Variants in PROZ observed in about 807,000 individuals in gnomAD.
PROZ encodes vitamin K-dependent protein Z.
A neutral mutation model predicts 34.9 loss-of-function variants in PROZ; 46 were observed. The observed-to-expected ratio is 1.32, with a 90% CI of 1.04 to 1.69. PROZ has a LOEUF of 1.69. PROZ is among the 40% of genes most tolerant of loss of function. The pLI, the probability that PROZ is intolerant of heterozygous loss-of-function variation, is 0.00. For synonymous variants in PROZ, 195 were observed against 208.5 expected (o/e 0.94, Z 0.56); for missense variants, 530 against 520.4 (o/e 1.02, Z -0.18).
At chr13:113,161,466 G>T (rs534372864) in intron 3 of PROZ, among the ~76,000 whole-genome samples, 5 of 152,304 alleles carry the variant, frequency 3.3e-5, no homozygotes, top group African/African-American at 1.2e-4. Flanking sequence ...GGGGCTGGGG[G>T]AGGCCAGGGT....
At chr13:113,161,025 C>A in intron 3 of PROZ, 53 bp downstream of exon 3, 1 of 1,523,094 alleles carries the variant, frequency 6.6e-7, no homozygotes, top group Non-Finnish European at 9.1e-7. Flanking sequence ...GGATGAGGTG[C>A]GTGGGTGGGC....
chr13:113,160,275 C>T, intron 2 of PROZ, 98 bp downstream of exon 2: 2 of 1,365,652 alleles, frequency 1.5e-6, no homozygotes, highest in South Asian at 2.4e-5. Context: ...AATTAATTAG[C>T]CTATTTACTT....
In PROZ at chr13:113,171,677, G is replaced by C. The variant is rs983225719; in HGVS notation, c.775G>C (p.Glu259Gln). ...VHMRYDADAG[E>Q]NDLSLLELEW... Reference sequence around the variant, plus strand: ...CATGCGGTATGACGCGGACGCGGGGGAGAATGACCTGTCACTGCTGGAGCT... The same window carrying C: ...CATGCGGTATGACGCGGACGCGGGGCAGAATGACCTGTCACTGCTGGAGCT... Residue 259 changes from glutamate (E) to glutamine (Q), a missense_variant, in exon 8 of 8, where the codon GAG becomes CAG. Physicochemically the swap from Glu to Gln is conservative, Grantham distance 29. Transcript: ENST00000375547. This position sits in a 1 kb window ranked among gnomAD's most constrained non-coding sequence, Gnocchi z 5.1. 3.7e-6 allele frequency: 6 copies of C among 1,613,914 alleles called. No homozygotes were observed. Among genetic ancestry groups the C allele is most frequent in the Non-Finnish European group, 5.1e-6 (6 of 1,180,040 alleles).
chr13:113,161,829 G>A (rs561953872), intron 3 of PROZ, among the ~76,000 whole-genome samples: 150 of 102,592 alleles, frequency 1.5e-3, no homozygotes, highest in Middle Eastern at 5.4e-3. Context: ...TCAGGTCCCC[G>A]TCCCTGCCAC....
intron 6 of PROZ, among the ~76,000 whole-genome samples, chr13:113,169,009 G>A (rs1389184670): frequency 5.3e-5 from 8 of 152,144 alleles, no homozygotes; most frequent in Admixed American, 2.6e-4. Context: ...GATTATAGGC[G>A]TGAGCCACCA....
At chr13:113,165,843 TTC>T (rs1340978114) in intron 6 of PROZ, among the ~76,000 whole-genome samples, 5 of 152,330 alleles carry the variant, frequency 3.3e-5, no homozygotes, top group Admixed American at 6.5e-5. Flanking sequence ...ATCATTCACT[TTC>T]TGTTTACTTA....
At chr13:113,164,861 T>C (rs1462621712) in intron 5 of PROZ, 192 bp from the exon 6 acceptor site, 4 of 924,494 alleles carry the variant, frequency 4.3e-6, no homozygotes, top group East Asian at 5.2e-5. Context: ...AGCTAAACCA[T>C]GAGTGCTGTG....
At chr13:113,167,046 T>C (rs907890053) in intron 6 of PROZ, among the ~76,000 whole-genome samples, 25 of 152,232 alleles carry the variant, frequency 1.6e-4, no homozygotes, top group African/African-American at 5.8e-4. Context: ...TCTGAAGTTA[T>C]TTAACTGAAT....
In PROZ at chr13:113,159,328, A is replaced by G. The variant is rs2138571351; in HGVS notation, c.70+598A>G. The G allele has an allele frequency of 6.9e-7, 1 of 1,454,336 alleles. No homozygotes were observed. 90.1% of individuals were successfully genotyped at this position (1,454,336 alleles called of 1,614,324 possible). The stretch of plus-strand genomic sequence containing the variant: ...TCTCCCGCTGGCCCCATGGTCTCCC[A>G]CCCTGAGAGGGTGATCCCCCCGCCC... On this transcript the variant is annotated intron_variant, in intron 1 of 7. Transcript: ENST00000375547. This position sits in a 1 kb window ranked among gnomAD's most constrained non-coding sequence, Gnocchi z 4.6.
At chr13:113,161,324 G>C (rs1392627196) in intron 3 of PROZ, among the ~76,000 whole-genome samples, 1 of 152,206 alleles carries the variant, frequency 6.6e-6, no homozygotes, top group African/African-American at 2.4e-5. Context: ...AGCAGGGTCA[G>C]AACTCGTCTC....
At position 113,159,135 on chromosome 13, in the gene PROZ, C is replaced by A; in HGVS notation, c.70+405C>A. On this transcript the variant is annotated intron_variant, in intron 1 of 7. Coordinates refer to ENST00000375547, the MANE Select transcript of PROZ (RefSeq NM_003891.3). The surrounding 1 kb of genome is among the most constrained non-coding windows in gnomAD (Gnocchi z 4.6). ...GCCAGGCCAGCCAGGAATGCCCAGT[C>A]TTGAGTCAGGAGACATAGCCAGGGA... is the stretch of plus-strand genomic sequence containing the variant. 3 of 1,299,846 alleles carry A rather than the reference C, an allele frequency of 2.3e-6. No homozygotes were observed. Among genetic ancestry groups the A allele is most frequent in the Non-Finnish European group, 1.1e-6 (1 of 919,788 alleles). 80.5% of individuals were successfully genotyped at this position (1,299,846 alleles called of 1,614,324 possible). A position where few individuals can be genotyped will look rare whatever the true frequency, so the allele number is the denominator to read the frequency against.
chr13:113,159,069 C>T lies in PROZ; in HGVS notation c.70+339C>T. ...CATTGGACGAGGGGAGGGGGTGGGG[C>T]AGGCTGAGCCCAGACTGCAATGTGG... On this transcript the variant is annotated intron_variant, in intron 1 of 7. Coordinates refer to ENST00000375547, the MANE Select transcript of PROZ (RefSeq NM_003891.3). This position sits in a 1 kb window ranked among gnomAD's most constrained non-coding sequence, Gnocchi z 4.6. 2.7e-6 allele frequency: 2 copies of T among 743,382 alleles called. No individual in the cohort carries two copies. The highest frequency in any genetic ancestry group is 2.7e-5 in the East Asian group (1 of 36,990). The allele number at this position is 743,382 out of a possible 1,614,324, so 46.0% of individuals were successfully genotyped here.
chr13:113,168,021 G>A (rs370516821), intron 6 of PROZ, among the ~76,000 whole-genome samples: 2 of 152,082 alleles, frequency 1.3e-5, no homozygotes, highest in East Asian at 1.9e-4. Context: ...CGCCACATCC[G>A]CTCGCTGTAG....
At chr13:113,167,763 T>C (rs1299065420) in intron 6 of PROZ, among the ~76,000 whole-genome samples, 1 of 152,224 alleles carries the variant, frequency 6.6e-6, no homozygotes, top group Non-Finnish European at 1.5e-5. Context: ...TTAATTGGGG[T>C]ATTTAGGCCA....
At position 113,164,083 on chromosome 13, in the gene PROZ, G is replaced by C. The variant is rs575483729; in HGVS notation, c.374-430G>C. 2.0e-5 allele frequency among the ~76,000 whole-genome samples: 3 copies of C among 151,832 alleles called. No homozygotes were observed. The East Asian group carries it at 5.8e-4, about 29-fold the overall frequency. The stretch of plus-strand genomic sequence containing the variant: ...AACCTTTTGCCTCCTGGGTTCAAGT[G>C]ATTCTCCTGCCTCAGCCTCCCGAGT... On this transcript the variant is annotated intron_variant, in intron 4 of 7. Coordinates refer to ENST00000375547, the MANE Select transcript of PROZ (RefSeq NM_003891.3).
intron 6 of PROZ, among the ~76,000 whole-genome samples, chr13:113,167,500 AAAC>A (rs1290977571): frequency 3.3e-5 from 5 of 152,328 alleles, no homozygotes; most frequent in Non-Finnish European, 7.3e-5. Flanking sequence ...TTAATCTTTC[AAAC>A]AACTTCTCGT....
At position 113,171,514 on chromosome 13, in the gene PROZ, G is replaced by A; in HGVS notation, c.692-80G>A. The A allele has an allele frequency of 6.3e-7, 1 of 1,583,708 alleles. No individual in the cohort carries two copies. The highest frequency in any genetic ancestry group is 8.6e-7 in the Non-Finnish European group (1 of 1,161,372). On this transcript the variant is annotated intron_variant, in intron 7 of 7. Coordinates refer to ENST00000375547, the MANE Select transcript of PROZ (RefSeq NM_003891.3). This position sits in a 1 kb window ranked among gnomAD's most constrained non-coding sequence, Gnocchi z 5.1. ...GGGCCGGTCTCTCCCTCCTCACGTG[G>A]CTCCCTGAGAAGCTCGTTTGAGCAT...
chr13:113,172,246 A>G lies in PROZ; in HGVS notation c.*141A>G. 1 of 1,194,580 alleles carries G rather than the reference A, an allele frequency of 8.4e-7. No homozygotes were observed. Among genetic ancestry groups the G allele is most frequent in the African/African-American group, 1.5e-5 (1 of 66,294 alleles). The allele number at this position is 1,194,580 out of a possible 1,614,324, so 74.0% of individuals were successfully genotyped here. On this transcript the variant is annotated 3_prime_UTR_variant, in exon 8 of 8. Coordinates refer to ENST00000375547, the MANE Select transcript of PROZ (RefSeq NM_003891.3). ...AGACCACCCGCTTGGCCCACGCAGCAGCAGAGCCGCCGTTTGCTGGGTTGT... is the reference window on the plus strand; with the variant it reads ...AGACCACCCGCTTGGCCCACGCAGCGGCAGAGCCGCCGTTTGCTGGGTTGT...
intron 6 of PROZ, among the ~76,000 whole-genome samples, chr13:113,169,011 G>T (rs45575731): frequency 6.6e-6 from 1 of 152,174 alleles, no homozygotes; most frequent in Non-Finnish European, 1.5e-5. Context: ...TTATAGGCGT[G>T]AGCCACCATG....
Sources: allele counts gnomAD v4.1 joint callset (sites outside exome capture counted in the v4.1 genomes callset), GRCh38; gene constraint gnomAD v4.1.1; non-coding constraint Gnocchi (gnomAD v3.1); transcripts MANE v1.5; gene names NCBI Gene and HGNC (gene_info 2026-07-23, HGNC 2026-07-21).